SYT6: variants seen among roughly 807,000 people sequenced by gnomAD.
SYT6 encodes the protein synaptotagmin 6, also known as synaptotagmin-6.
SYT6 carries 24 observed loss-of-function variants against 38.4 expected under a neutral mutation model. That is an observed-to-expected ratio of 0.62 (90% CI 0.45 to 0.88). The LOEUF (loss-of-function observed/expected upper bound fraction) is 0.88. Ranked by LOEUF, SYT6 falls within the 40% of genes least tolerant of loss-of-function variation. SYT6 has a pLI of 0.00. For missense variants in SYT6, 611 were observed against 621.0 expected (o/e 0.98, Z 0.17); for synonymous variants, 265 against 241.9 (o/e 1.10, Z -0.89).
At chr1:114,122,166 G>C (rs1028134307) in intron 3 of SYT6, among the ~76,000 whole-genome samples, 1 of 152,170 alleles carries the variant, frequency 6.6e-6, no homozygotes, top group Non-Finnish European at 1.5e-5. Context: ...CCATTATCAG[G>C]GCCTCAGCTT....
chr1:114,117,529 C>T (rs1677073847), intron 3 of SYT6, among the ~76,000 whole-genome samples: 1 of 152,170 alleles, frequency 6.6e-6, no homozygotes, highest in Admixed American at 6.5e-5. Flanking sequence ...AACGACACAT[C>T]TTCTAGCCTG....
At chr1:114,135,078 G>A (rs1487077769) in intron 3 of SYT6, among the ~76,000 whole-genome samples, 1 of 152,054 alleles carries the variant, frequency 6.6e-6, no homozygotes, top group East Asian at 1.9e-4. Context: ...GTTGGAGGGT[G>A]GCAGGGGACT....
intron 3 of SYT6, among the ~76,000 whole-genome samples, chr1:114,104,236 T>A (rs186054053): frequency 2.4e-4 from 36 of 152,364 alleles, no homozygotes; most frequent in Admixed American, 2.1e-3. Context: ...GCAGTTGTTC[T>A]TTGTCAATCA....
At chr1:114,149,442 G>C (rs1360643773) in intron 1 of SYT6, among the ~76,000 whole-genome samples, 1 of 151,922 alleles carries the variant, frequency 6.6e-6, no homozygotes, top group Non-Finnish European at 1.5e-5. Flanking sequence ...AATTAGCAGA[G>C]TCCAAACAGA....
chr1:114,117,360 C>A (rs931104908), intron 3 of SYT6, among the ~76,000 whole-genome samples: 7 of 152,246 alleles, frequency 4.6e-5, no homozygotes, highest in African/African-American at 1.7e-4. Flanking sequence ...CATTCTCCTG[C>A]CACATGGAGG....
intron 3 of SYT6, among the ~76,000 whole-genome samples, chr1:114,114,973 G>C (rs149626660): frequency 6.6e-6 from 1 of 152,214 alleles, no homozygotes; most frequent in Non-Finnish European, 1.5e-5. Flanking sequence ...TGGCACACTG[G>C]GTATATTTTA....
At chr1:114,096,883 T>C (rs1181958588) in intron 6 of SYT6, among the ~76,000 whole-genome samples, 1 of 152,198 alleles carries the variant, frequency 6.6e-6, no homozygotes, top group Non-Finnish European at 1.5e-5. Context: ...TATGAGATAT[T>C]GTGAGTGAGG....
In SYT6 at chr1:114,093,795, A is replaced by C. The variant is rs1453434986; in HGVS notation, c.1524T>G (p.Pro508=). ...ATCCACGTGAATGAAATCACAACCG[A>C]GGGTTTCCCTGGTGAAATATTTTAG... ...EVKKSFKEGN[P]RL The change falls in exon 7 of 8, where the codon CCT becomes CCG. Residue 508 remains proline (P), a synonymous_variant. Transcript: ENST00000610222. The C allele has an allele frequency of 6.2e-7, 1 of 1,613,916 alleles. No individual in the cohort carries two copies. Among genetic ancestry groups the C allele is most frequent in the Non-Finnish European group, 8.5e-7 (1 of 1,180,012 alleles).
chr1:114,118,912 C>T (rs1359332192), intron 3 of SYT6, among the ~76,000 whole-genome samples: 4 of 152,196 alleles, frequency 2.6e-5, no homozygotes, highest in Admixed American at 6.5e-5. Context: ...GGTCCAGCAG[C>T]GAGAAATCAC....
intron 3 of SYT6, 147 bp from the exon 4 acceptor site, chr1:114,103,868 C>T (rs1676112614): frequency 2.0e-6 from 2 of 989,994 alleles, no homozygotes; most frequent in Admixed American, 5.8e-5. Flanking sequence ...GACTGGCCTC[C>T]ATGCTGCAAG....
chr1:114,111,382 C>G lies in SYT6; in HGVS notation c.1072-7661G>C, dbSNP rs560972673. Reference sequence around the variant, plus strand: ...GTTATGCAAGTGGCCCAAGGGCACACAGCTACTAAATGGCACAGCCAGGAT... The same window carrying G: ...GTTATGCAAGTGGCCCAAGGGCACAGAGCTACTAAATGGCACAGCCAGGAT... On this transcript the variant is annotated intron_variant, in intron 3 of 7. Transcript: ENST00000610222. Among the ~76,000 whole-genome samples the G allele has an allele frequency of 4.6e-5, 7 of 152,348 alleles. No individual in the cohort carries two copies. In the South Asian group the frequency reaches 6.2e-4, roughly 14 times the overall value.
chr1:114,153,261 T>C (rs1231359790), intron 1 of SYT6, among the ~76,000 whole-genome samples: 1 of 152,154 alleles, frequency 6.6e-6, no homozygotes, highest in Non-Finnish European at 1.5e-5. Flanking sequence ...GCTCTCTCCA[T>C]GGACCCCTCT....
At chr1:114,122,406 A>G (rs111625837) in intron 3 of SYT6, among the ~76,000 whole-genome samples, 16 of 152,160 alleles carry the variant, frequency 1.1e-4, no homozygotes, top group African/African-American at 3.6e-4. Context: ...GTTGACAGAA[A>G]GCCAATCAAA....
Position 114,093,795 on chromosome 1 carries a change from AG to A in SYT6, c.1523del (p.Pro508LeufsTer20), listed in dbSNP as rs1287736876. ...EVKKSFKEGN[P>X]RL ...ATCCACGTGAATGAAATCACAACCG[AG>A]GGTTTCCCTGGTGAAATATTTTAGA... On this transcript the variant is annotated frameshift_variant, in exon 7 of 8. Coordinates refer to ENST00000610222, the MANE Select transcript of SYT6 (RefSeq NM_001253772.2). LOFTEE classifies it high-confidence loss of function. 8.7e-6 allele frequency: 14 copies of A among 1,614,034 alleles called. No homozygotes were observed. The highest frequency in any genetic ancestry group is 1.2e-5 in the Non-Finnish European group (14 of 1,180,004).
At chr1:114,095,861 C>T (rs772849489) in intron 6 of SYT6, among the ~76,000 whole-genome samples, 4 of 151,998 alleles carry the variant, frequency 2.6e-5, no homozygotes, top group Admixed American at 1.3e-4. Flanking sequence ...GGGGTTTCAC[C>T]GTGTTAGCCA....
chr1:114,153,145 C>A (rs1679535900), intron 1 of SYT6, among the ~76,000 whole-genome samples: 1 of 152,224 alleles, frequency 6.6e-6, no homozygotes, highest in Non-Finnish European at 1.5e-5. Flanking sequence ...CCCGCGTTCA[C>A]CGCGAGAACA....
chr1:114,143,263 T>G (rs1367541407), intron 1 of SYT6, among the ~76,000 whole-genome samples: 2 of 149,258 alleles, frequency 1.3e-5, no homozygotes, highest in African/African-American at 4.9e-5. Flanking sequence ...AAAATATACT[T>G]TAGTCTATTA....
At position 114,099,227 on chromosome 1, in the gene SYT6, T is replaced by C. The variant is rs1170837245; in HGVS notation, c.1231A>G (p.Arg411Gly). The change falls in exon 5 of 8, where the codon AGG becomes GGG. Residue 411 changes from arginine (R) to glycine (G), a missense_variant. By Grantham distance (125) the Arg-to-Gly change is moderately radical. Coordinates refer to ENST00000610222, the MANE Select transcript of SYT6 (RefSeq NM_001253772.2). ...VKVSLLCDGR[R>G]LKKKKTTIKK... ...ATGGTTGTTTTCTTCTTCTTCAGCC[T>C]CCGCCCATCACAGAGCAAGGACACT... is the stretch of plus-strand genomic sequence containing the variant. The C allele has an allele frequency of 1.1e-5, 17 of 1,613,844 alleles. No homozygotes were observed. Among genetic ancestry groups the C allele is most frequent in the Non-Finnish European group, 1.4e-5 (17 of 1,179,906 alleles).
At chr1:114,108,872 T>A (rs1475029933) in intron 3 of SYT6, among the ~76,000 whole-genome samples, 1 of 152,200 alleles carries the variant, frequency 6.6e-6, no homozygotes, top group Non-Finnish European at 1.5e-5. Context: ...CTCTTAGTCA[T>A]TAAGTGGCTT....
Sources: allele counts gnomAD v4.1 joint callset (sites outside exome capture counted in the v4.1 genomes callset), GRCh38; gene constraint gnomAD v4.1.1; transcripts MANE v1.5; gene names NCBI Gene and HGNC (gene_info 2026-07-23, HGNC 2026-07-21).